Variants in CPNE5 observed in about 807,000 individuals in gnomAD.
CPNE5 encodes the protein copine 5, also known as copine-5.
CPNE5 carries 42 observed loss-of-function variants against 81.1 expected under a neutral mutation model. That is an observed-to-expected ratio of 0.52 (90% CI 0.40 to 0.67). The LOEUF (loss-of-function observed/expected upper bound fraction) is 0.67. Ranked by LOEUF, CPNE5 falls within the 30% of genes least tolerant of loss-of-function variation. The pLI is 0.00. For missense variants in CPNE5, 612 were observed against 815.5 expected, an observed-to-expected ratio of 0.75 and a Z score of 3.04; for synonymous variants, 313 against 321.5, an observed-to-expected ratio of 0.97 and a Z score of 0.28.
intron 2 of CPNE5, 38 bp downstream of exon 2, chr6:36,823,020 G>C: frequency 6.6e-7 from 1 of 1,520,620 alleles, no homozygotes; most frequent in South Asian, 1.3e-5. Context: ...TAGCGTTGCC[G>C]CTATTGTTAC....
chr6:36,773,090 C>G lies in CPNE5; in HGVS notation c.737+1871G>C, dbSNP rs796846081. ...TAAAGATGGGGGTCTCACTATGTTA[C>G]GCGGGCTGGTCTTGAACTCCTGGAT... On this transcript the variant is annotated intron_variant, in intron 10 of 20. Coordinates refer to ENST00000244751, the MANE Select transcript of CPNE5 (RefSeq NM_020939.2). Among the ~76,000 whole-genome samples the G allele has an allele frequency of 9.1e-4, 139 of 152,082 alleles. 1 individual carries two copies. Among genetic ancestry groups the G allele is most frequent in the African/African-American group, 3.3e-3 (136 of 41,484 alleles).
intron 3 of CPNE5, among the ~76,000 whole-genome samples, chr6:36,819,166 G>A (rs1020567147): frequency 2.0e-4 from 31 of 152,258 alleles, no homozygotes; most frequent in Non-Finnish European, 3.5e-4. Context: ...GCAGTGGCAC[G>A]ATCTCAGCTC....
At chr6:36,745,285 GC>G in intron 17 of CPNE5, 102 bp downstream of exon 17, 2 of 1,466,092 alleles carry the variant, frequency 1.4e-6, no homozygotes, top group Non-Finnish European at 1.9e-6. Context: ...TCCCTGAAAG[GC>G]AAGTGCGTGG....
intron 10 of CPNE5, among the ~76,000 whole-genome samples, chr6:36,770,959 G>T (rs994682974): frequency 6.6e-6 from 1 of 152,000 alleles, no homozygotes; most frequent in Non-Finnish European, 1.5e-5. Context: ...CATTTCTGTC[G>T]GTGGTGCCAC....
At chr6:36,762,662 A>G (rs1478597165) in intron 12 of CPNE5, among the ~76,000 whole-genome samples, 1 of 152,122 alleles carries the variant, frequency 6.6e-6, no homozygotes, top group African/African-American at 2.4e-5. Flanking sequence ...TTATGGGGAC[A>G]CTATAACTCG....
intron 6 of CPNE5, among the ~76,000 whole-genome samples, chr6:36,796,095 T>C (rs1312203343): frequency 1.3e-5 from 2 of 152,120 alleles, no homozygotes; most frequent in Non-Finnish European, 2.9e-5. Flanking sequence ...ACTACAGGCA[T>C]GTGCCACCAC....
At chr6:36,771,972 G>C (rs1402628496) in intron 10 of CPNE5, among the ~76,000 whole-genome samples, 1 of 152,084 alleles carries the variant, frequency 6.6e-6, no homozygotes, top group Non-Finnish European at 1.5e-5. Flanking sequence ...ATGAGGCTAG[G>C]CTCTGCCTCA....
chr6:36,806,569 C>G (rs887543207), intron 3 of CPNE5, among the ~76,000 whole-genome samples: 10 of 152,220 alleles, frequency 6.6e-5, no homozygotes, highest in Admixed American at 1.3e-4. Flanking sequence ...TTTCCCCAAG[C>G]TCATCCATAC....
chr6:36,769,820 G>A (rs149500012), intron 10 of CPNE5, among the ~76,000 whole-genome samples: 1 of 152,278 alleles, frequency 6.6e-6, no homozygotes, highest in Non-Finnish European at 1.5e-5. Flanking sequence ...TAGGGCGCCT[G>A]GCCCTCCTGG....
chr6:36,742,763 C>T (rs1157858589), intron 20 of CPNE5: 17 of 985,474 alleles, frequency 1.7e-5, no homozygotes, highest in African/African-American at 5.2e-5. Context: ...TTCTCCACCT[C>T]GGCACTAAGC....
chr6:36,794,815 C>T (rs1052811385), intron 6 of CPNE5, among the ~76,000 whole-genome samples, 166 bp from the exon 7 acceptor site: 2 of 152,170 alleles, frequency 1.3e-5, no homozygotes, highest in Non-Finnish European at 2.9e-5. Flanking sequence ...TTCTTCTGGG[C>T]AAATTCCTCT....
intron 1 of CPNE5, among the ~76,000 whole-genome samples, chr6:36,834,097 A>T (rs926235146): frequency 3.3e-5 from 5 of 151,382 alleles, no homozygotes; most frequent in South Asian, 2.1e-4. Flanking sequence ...ATCAAAAAAA[A>T]TTTAAAAATT....
chr6:36,820,344 T>C (rs1309779757), intron 3 of CPNE5, among the ~76,000 whole-genome samples: 1 of 132,160 alleles, frequency 7.6e-6, no homozygotes, highest in Non-Finnish European at 1.6e-5. Flanking sequence ...TCTTTTTTTT[T>C]TTTTTTTTTT....
intron 1 of CPNE5, chr6:36,827,720 C>G: frequency 5.1e-6 from 5 of 985,444 alleles, no homozygotes; most frequent in Non-Finnish European, 6.0e-6. Flanking sequence ...CACAAGCACA[C>G]AGCCAAAAGC....
intron 3 of CPNE5, among the ~76,000 whole-genome samples, chr6:36,800,518 A>T (rs1686080210): frequency 6.6e-6 from 1 of 152,184 alleles, no homozygotes; most frequent in South Asian, 2.1e-4. Context: ...AATTGATTCC[A>T]CAATTAGGTG....
intron 9 of CPNE5, among the ~76,000 whole-genome samples, chr6:36,777,678 C>T (rs931212027): frequency 9.9e-5 from 15 of 151,874 alleles, no homozygotes; most frequent in Admixed American, 1.3e-4. Context: ...TTGTTTTGTA[C>T]GTTCAGGAAA....
intron 10 of CPNE5, among the ~76,000 whole-genome samples, chr6:36,772,579 T>C (rs1364186323): frequency 1.3e-5 from 2 of 152,200 alleles, no homozygotes; most frequent in African/African-American, 2.4e-5. Context: ...CCCTGTTCGT[T>C]TAAATCCGCA....
intron 4 of CPNE5, 62 bp downstream of exon 4, chr6:36,799,905 T>C: frequency 8.1e-7 from 1 of 1,228,158 alleles, no homozygotes; most frequent in Non-Finnish European, 1.2e-6. Context: ...AGGTCTGTGG[T>C]CCTACCTGCC....
At chr6:36,809,383 C>T (rs1770895081) in intron 3 of CPNE5, among the ~76,000 whole-genome samples, 1 of 152,064 alleles carries the variant, frequency 6.6e-6, no homozygotes, top group Admixed American at 6.6e-5. Context: ...CGAGACCAAC[C>T]TGGGCAACAT....
Sources: gnomAD v4.1 joint callset for allele counts (sites outside exome capture counted in the v4.1 genomes callset) on GRCh38, gnomAD v4.1.1 for gene constraint, MANE v1.5 for transcripts, NCBI Gene and HGNC (gene_info 2026-07-23, HGNC 2026-07-21) for gene names.